Variants in ONECUT2 observed in about 807,000 individuals in gnomAD.
The protein encoded by ONECUT2 is one cut homeobox 2.
Under a neutral mutation model 27.9 loss-of-function variants are expected in ONECUT2, and 10 were observed. The ratio of observed to expected loss-of-function variants is 0.36; its 90% confidence interval spans 0.22 to 0.61. The LOEUF (loss-of-function observed/expected upper bound fraction) is 0.61, where lower values mean the gene tolerates loss of function less well. Among genes scored for constraint, ONECUT2 ranks in the 20% least tolerant of loss-of-function variants. ONECUT2 has a pLI of 0.73. For missense variants in ONECUT2, 686 were observed against 721.0 expected, an observed-to-expected ratio of 0.95 and a Z score of 0.56; for synonymous variants, 334 against 315.1, an observed-to-expected ratio of 1.06 and a Z score of -0.64.
chr18:57,444,391 A>G (rs574574328), intron 1 of ONECUT2: 1 of 456,756 alleles, frequency 2.2e-6, no homozygotes, highest in African/African-American at 2.0e-5. Context: ...GAGAGGCCAC[A>G]GGCAGCAGCA....
At chr18:57,455,497 A>G (rs1239758759) in intron 1 of ONECUT2, among the ~76,000 whole-genome samples, 1 of 152,116 alleles carries the variant, frequency 6.6e-6, no homozygotes, top group Non-Finnish European at 1.5e-5. Flanking sequence ...AAAAATTATA[A>G]CACTAATTAG....
intron 1 of ONECUT2, among the ~76,000 whole-genome samples, chr18:57,451,876 G>A (rs2050232088): frequency 6.6e-6 from 1 of 152,172 alleles, no homozygotes; most frequent in African/African-American, 2.4e-5. Context: ...CCAGAGACAG[G>A]GTGGAAAGGC....
intron 1 of ONECUT2, among the ~76,000 whole-genome samples, chr18:57,467,753 C>A (rs1226965831): frequency 6.6e-6 from 1 of 152,172 alleles, no homozygotes; most frequent in Non-Finnish European, 1.5e-5. Context: ...GAGGTGAAGC[C>A]CAAGACACGG....
Position 57,436,977 on chromosome 18 carries a change from T to G in ONECUT2, c.1228+33T>G, listed in dbSNP as rs746246111. On this transcript the variant is annotated intron_variant, in intron 1 of 1. Transcript: ENST00000491143. The surrounding 1 kb of genome is among the most constrained non-coding windows in gnomAD (Gnocchi z 5.9). ...CGGGGCTAGCCAGGGGCCAGGCTGC[T>G]GGGAAGAGGGCTCCGGGTCCGGTGC... 19 of 1,537,972 alleles carry G rather than the reference T, an allele frequency of 1.2e-5. No individual in the cohort carries two copies. The highest frequency in any genetic ancestry group is 1.5e-5 in the Non-Finnish European group (17 of 1,141,848).
chr18:57,484,036 C>G lies in ONECUT2; in HGVS notation c.*7313C>G, dbSNP rs554262529. On this transcript the variant is annotated 3_prime_UTR_variant, in exon 2 of 2. Coordinates refer to ENST00000491143, the MANE Select transcript of ONECUT2 (RefSeq NM_004852.3). ...CATTCAGAAAACATAAGCTGAGACC[C>G]TGCTTCACCAGCCTGGATTTCGGGG... is the stretch of plus-strand genomic sequence containing the variant. 6.6e-6 allele frequency: 1 copy of G among 152,664 alleles called. No homozygotes were observed. The highest frequency in any genetic ancestry group is 6.5e-5 in the Admixed American group (1 of 15,300). The allele number at this position is 152,664 out of a possible 1,614,324, so 9.5% of individuals were successfully genotyped here.
chr18:57,452,782 A>C (rs2050238100), intron 1 of ONECUT2, among the ~76,000 whole-genome samples: 1 of 152,224 alleles, frequency 6.6e-6, no homozygotes, highest in African/African-American at 2.4e-5. Context: ...GTTCTACTAC[A>C]ATAATTACCA....
intron 1 of ONECUT2, among the ~76,000 whole-genome samples, chr18:57,465,509 A>G (rs1427570108): frequency 6.6e-6 from 1 of 152,168 alleles, no homozygotes; most frequent in Non-Finnish European, 1.5e-5. Flanking sequence ...TTACTTACAA[A>G]TTGCTATTTT....
Position 57,480,267 on chromosome 18 carries a change from G to T in ONECUT2, c.*3544G>T, listed in dbSNP as rs2050409126. 1.3e-5 allele frequency: 2 copies of T among 152,022 alleles called. No individual in the cohort carries two copies. The highest frequency in any genetic ancestry group is 6.6e-5 in the Admixed American group (1 of 15,254). 9.4% of individuals were successfully genotyped at this position (152,022 alleles called of 1,614,324 possible). ...CTTGCTCATACTCCATGTTTCCTTTGTCAAAGGACTAAGAAAAGAGCATAT... is the reference window on the plus strand; with the variant it reads ...CTTGCTCATACTCCATGTTTCCTTTTTCAAAGGACTAAGAAAAGAGCATAT... On this transcript the variant is annotated 3_prime_UTR_variant, in exon 2 of 2. Transcript: ENST00000491143.
chr18:57,439,836 T>A (rs1265973624), intron 1 of ONECUT2, among the ~76,000 whole-genome samples: 1 of 152,204 alleles, frequency 6.6e-6, no homozygotes, highest in Non-Finnish European at 1.5e-5. Context: ...TCATAGGTTA[T>A]AGGTTCCCTT....
intron 1 of ONECUT2, among the ~76,000 whole-genome samples, chr18:57,454,859 G>A (rs1338666871): frequency 1.3e-5 from 2 of 152,210 alleles, no homozygotes; most frequent in East Asian, 1.9e-4. Flanking sequence ...GAAGTTGACT[G>A]TGCACACAGT....
chr18:57,464,657 T>G (rs1158839475), intron 1 of ONECUT2, among the ~76,000 whole-genome samples: 2 of 152,234 alleles, frequency 1.3e-5, no homozygotes, highest in Non-Finnish European at 2.9e-5. Context: ...ACGAAACAAT[T>G]TGTTTTTAAA....
intron 1 of ONECUT2, among the ~76,000 whole-genome samples, chr18:57,437,192 G>A (rs1364166876): frequency 1.9e-5 from 2 of 107,924 alleles, no homozygotes; most frequent in African/African-American, 8.7e-5. Flanking sequence ...TTCATTGACC[G>A]ACCCCCCCCC....
chr18:57,485,148 T>A lies in ONECUT2; in HGVS notation c.*8425T>A, dbSNP rs1251016549. On this transcript the variant is annotated 3_prime_UTR_variant, in exon 2 of 2. Transcript: ENST00000491143. ...TTTTTAATTCAGTAGGAGGAGAAAG[T>A]TCATTCTTGGCCTGTTGGCTTTGAT... The A allele has an allele frequency of 6.6e-6, 1 of 152,180 alleles. No individual in the cohort carries two copies. Among genetic ancestry groups the A allele is most frequent in the African/African-American group, 2.4e-5 (1 of 41,448 alleles). 9.4% of individuals were successfully genotyped at this position (152,180 alleles called of 1,614,324 possible).
intron 1 of ONECUT2, among the ~76,000 whole-genome samples, chr18:57,444,672 A>G (rs1240721572): frequency 6.6e-6 from 1 of 152,270 alleles, no homozygotes; most frequent in Non-Finnish European, 1.5e-5. Context: ...CAGTGAAAAG[A>G]GAAGCCCTTA....
chr18:57,446,205 A>G (rs1276355756), intron 1 of ONECUT2, among the ~76,000 whole-genome samples: 1 of 152,222 alleles, frequency 6.6e-6, no homozygotes, highest in Non-Finnish European at 1.5e-5. Flanking sequence ...TAAAGCAAGC[A>G]ATTGCACAAC....
chr18:57,444,374 G>A lies in ONECUT2; in HGVS notation c.1228+7430G>A, dbSNP rs772945135. On this transcript the variant is annotated intron_variant, in intron 1 of 1. Transcript: ENST00000491143. ...CTGTTTGACGGCTCATTTTTCTGCC[G>A]TATTTGGAGAGGCCACAGGCAGCAG... The A allele has an allele frequency of 1.3e-4, 61 of 456,602 alleles. 1 individual carries two copies. Among genetic ancestry groups the A allele is most frequent in the South Asian group, 6.8e-4 (44 of 64,574 alleles). The allele number at this position is 456,602 out of a possible 1,614,324, so 28.3% of individuals were successfully genotyped here.
Position 57,487,947 on chromosome 18 carries a change from C to T in ONECUT2, c.*11224C>T, listed in dbSNP as rs947258744. ...CAAACCAAAATGCTTGACATAAAGC[C>T]AAATCAACTGCCAAGCACACTTTAT... On this transcript the variant is annotated 3_prime_UTR_variant, in exon 2 of 2. Coordinates refer to ENST00000491143, the MANE Select transcript of ONECUT2 (RefSeq NM_004852.3). 15 of 152,130 alleles carry T rather than the reference C, an allele frequency of 9.9e-5. No individual in the cohort carries two copies. The highest frequency in any genetic ancestry group is 2.2e-4 in the Non-Finnish European group (15 of 68,022). The allele number at this position is 152,130 out of a possible 1,614,324, so 9.4% of individuals were successfully genotyped here. A position where few individuals can be genotyped will look rare whatever the true frequency, so the allele number is the denominator to read the frequency against.
chr18:57,478,139 C>G lies in ONECUT2; in HGVS notation c.*1416C>G, dbSNP rs1302036745. ...CTCTTGCATTTGGCGCATCATCGGG[C>G]TGAGCGGACCAGCTACACCAAGGAC... On this transcript the variant is annotated 3_prime_UTR_variant, in exon 2 of 2. Transcript: ENST00000491143. 2 of 152,654 alleles carry G rather than the reference C, an allele frequency of 1.3e-5. No homozygotes were observed. Among genetic ancestry groups the G allele is most frequent in the African/African-American group, 2.4e-5 (1 of 41,452 alleles). 9.5% of individuals were successfully genotyped at this position (152,654 alleles called of 1,614,324 possible). A position where few individuals can be genotyped will look rare whatever the true frequency, so the allele number is the denominator to read the frequency against.
In ONECUT2 at chr18:57,476,891, G is replaced by C. The variant is rs2050386370; in HGVS notation, c.*168G>C. 1.3e-6 allele frequency: 1 copy of C among 774,298 alleles called. No individual in the cohort carries two copies. The highest frequency in any genetic ancestry group is 2.7e-5 in the East Asian group (1 of 37,058). The allele number at this position is 774,298 out of a possible 1,614,324, so 48.0% of individuals were successfully genotyped here. On this transcript the variant is annotated 3_prime_UTR_variant, in exon 2 of 2. Transcript: ENST00000491143. ...ATATTCTAGCTGTAATCATAGGCCAGGTGTTCTTCTTTTGTTTTTAATGGC... is the reference window on the plus strand; with the variant it reads ...ATATTCTAGCTGTAATCATAGGCCACGTGTTCTTCTTTTGTTTTTAATGGC...
Sources: gnomAD v4.1 joint callset for allele counts (sites outside exome capture counted in the v4.1 genomes callset) on GRCh38, gnomAD v4.1.1 for gene constraint, Gnocchi (gnomAD v3.1) non-coding constraint, MANE v1.5 for transcripts, NCBI Gene and HGNC (gene_info 2026-07-23, HGNC 2026-07-21) for gene names.